The following CCDC9 variants were observed in gnomAD, a reference collection of about 807,000 sequenced individuals.
The protein encoded by CCDC9 is coiled-coil domain containing 9.
Under a neutral mutation model 65.6 loss-of-function variants are expected in CCDC9, and 52 were observed. The ratio of observed to expected loss-of-function variants is 0.79; its 90% CI spans 0.63 to 1.00. The LOEUF (loss-of-function observed/expected upper bound fraction) is 1.00. Ranked by LOEUF, CCDC9 falls within the 50% of genes least tolerant of loss-of-function variation. The probability of loss-of-function intolerance (pLI) is 0.00; values close to 1 mark genes in which losing one functional copy is unlikely to be tolerated. For missense variants in CCDC9, 834 were observed against 757.2 expected, an observed-to-expected ratio of 1.10 and a Z score of -1.19; for synonymous variants, 332 against 280.3, an observed-to-expected ratio of 1.18 and a Z score of -1.84.
At chr19:47,275,128 G>A, downstream of CCDC9, 1 of 1,491,102 alleles carries the variant, frequency 6.7e-7, no homozygotes, top group South Asian at 1.3e-5. Flanking sequence ...CCACAGCCCA[G>A]CGCGCCGTCC....
rs955411828 is a variant in CCDC9, at chr19:47,266,639, G to C, written c.749G>C (p.Gly250Ala). 1 of 1,581,062 alleles carries C rather than the reference G, an allele frequency of 6.3e-7. No individual in the cohort carries two copies. Among genetic ancestry groups the C allele is most frequent in the African/African-American group, 1.3e-5 (1 of 74,440 alleles). The change falls in exon 8 of 12, where the codon GGA (glycine) becomes GCA (alanine). Residue 250 changes from glycine (G) to alanine (A), a missense_variant. Physicochemically the swap from Gly to Ala is moderately conservative, Grantham distance 60. Transcript: ENST00000221922. ...CGCCGAGCTGGCCTGGGCAGTGCTG[G>C]AGACATGACGTTGTCCATGACGGGC... is the stretch of plus-strand genomic sequence containing the variant. Reference protein sequence around the residue: ...QGRRAGLGSAGDMTLSMTGRE... With the variant: ...QGRRAGLGSAADMTLSMTGRE...
intron 2 of CCDC9, 62 bp downstream of exon 2, chr19:47,258,465 G>C: frequency 1.2e-6 from 2 of 1,609,024 alleles, no homozygotes; most frequent in Non-Finnish European, 8.5e-7. Flanking sequence ...TGGGAGGATG[G>C]GATCCATAGG....
intron 3 of CCDC9, among the ~76,000 whole-genome samples, chr19:47,259,904 G>C (rs2059033641): frequency 6.6e-6 from 1 of 152,190 alleles, no homozygotes; most frequent in South Asian, 2.1e-4. Context: ...GGCAGCATTG[G>C]AGCAGAGACC....
chr19:47,275,148 G>GCTGC (rs771373976), downstream of CCDC9: 1 of 1,489,362 alleles, frequency 6.7e-7, no homozygotes, highest in South Asian at 1.3e-5. Flanking sequence ...CCCTCCGTGT[G>GCTGC]CTGCCCGCCC....
At chr19:47,262,452 G>T (rs1334775447) in intron 5 of CCDC9, among the ~76,000 whole-genome samples, 1 of 151,924 alleles carries the variant, frequency 6.6e-6, no homozygotes, top group African/African-American at 2.4e-5. Context: ...CCTGACCTCA[G>T]GTGATCCTAC....
intron 2 of CCDC9, 50 bp from the exon 3 acceptor site, chr19:47,258,509 G>A (rs2059025497): frequency 1.2e-6 from 2 of 1,602,242 alleles, no homozygotes; most frequent in African/African-American, 1.3e-5. Flanking sequence ...AAAGTCCCTG[G>A]TATGGATGGA....
chr19:47,264,476 C>G (rs1159896717), intron 5 of CCDC9, 127 bp from the exon 6 acceptor site: 4 of 854,758 alleles, frequency 4.7e-6, no homozygotes, highest in Non-Finnish European at 7.5e-6. Flanking sequence ...ACGCTGAGAG[C>G]AAATGGTCAG....
chr19:47,271,271 A>G lies in CCDC9; in HGVS notation c.1192-3A>G. 6.2e-7 allele frequency: 1 copy of G among 1,612,318 alleles called. No individual in the cohort carries two copies. Among genetic ancestry groups the G allele is most frequent in the Non-Finnish European group, 8.5e-7 (1 of 1,179,104 alleles). Reference sequence around the variant, plus strand: ...TTGCCCTGACTTGCCTGTGTCCCCAAAGCCACCCGAGATCCCAGCTCCTGC... The same window carrying G: ...TTGCCCTGACTTGCCTGTGTCCCCAGAGCCACCCGAGATCCCAGCTCCTGC... On this transcript the variant is annotated splice_polypyrimidine_tract_variant and splice_region_variant and intron_variant, in intron 11 of 11. Transcript: ENST00000221922.
At chr19:47,262,912 C>T (rs1292820469) in intron 5 of CCDC9, among the ~76,000 whole-genome samples, 4 of 151,756 alleles carry the variant, frequency 2.6e-5, no homozygotes, top group East Asian at 1.9e-4. Context: ...AGAGTGAGAC[C>T]CCATCTCTAT....
downstream of CCDC9, chr19:47,274,620 G>C (rs941683320): frequency 1.4e-5 from 3 of 215,048 alleles, no homozygotes; most frequent in African/African-American, 7.9e-5. Flanking sequence ...TCCGAGTCTG[G>C]GAAGAGAACC....
chr19:47,265,413 C>A (rs531899944), intron 7 of CCDC9, among the ~76,000 whole-genome samples: 13 of 152,138 alleles, frequency 8.5e-5, no homozygotes, highest in Middle Eastern at 3.4e-3. Context: ...GTAAATCTCC[C>A]CTCATTGTTA....
Position 47,271,797 on chromosome 19 carries a change from G to C in CCDC9, c.*119G>C, listed in dbSNP as rs2059125756. ...GGCTGGTGGGGGACCCTTGGGGCTG[G>C]GCCCTGGGACCCAGTGTGCCCCACA... is the stretch of plus-strand genomic sequence containing the variant. On this transcript the variant is annotated 3_prime_UTR_variant, in exon 12 of 12. Transcript: ENST00000221922. The C allele has an allele frequency of 1.4e-6, 2 of 1,456,000 alleles. No homozygotes were observed. Among genetic ancestry groups the C allele is most frequent in the South Asian group, 1.4e-5 (1 of 70,298 alleles). 90.2% of individuals were successfully genotyped at this position (1,456,000 alleles called of 1,614,324 possible). A position where few individuals can be genotyped will look rare whatever the true frequency, so the allele number is the denominator to read the frequency against.
At chr19:47,273,158 G>A (rs575358945), downstream of CCDC9, among the ~76,000 whole-genome samples, 1 of 152,262 alleles carries the variant, frequency 6.6e-6, no homozygotes, top group African/African-American at 2.4e-5. Flanking sequence ...GATTGTAAAC[G>A]GTTATGTTGG....
chr19:47,273,615 T>G, downstream of CCDC9: 1 of 396,438 alleles, frequency 2.5e-6, no homozygotes, highest in Non-Finnish European at 4.4e-6. Flanking sequence ...AGGGCAGTAG[T>G]CGGGTGCAGG....
chr19:47,265,563 G>A (rs1239017185), intron 7 of CCDC9, among the ~76,000 whole-genome samples: 2 of 152,114 alleles, frequency 1.3e-5, no homozygotes, highest in African/African-American at 4.8e-5. Flanking sequence ...TGGTTCTTCT[G>A]TCAGTACCAC....
chr19:47,275,571 C>G (rs1444469207), downstream of CCDC9: 2 of 602,006 alleles, frequency 3.3e-6, no homozygotes, highest in Admixed American at 3.7e-5. Context: ...TCAGGAAGAT[C>G]CCATCCTGAG....
Position 47,270,653 on chromosome 19 carries a change from T to C in CCDC9, c.1050T>C (p.Ser350=). The C allele has an allele frequency of 6.2e-7, 1 of 1,612,332 alleles. No homozygotes were observed. Among genetic ancestry groups the C allele is most frequent in the African/African-American group, 1.3e-5 (1 of 75,004 alleles). ...GCAGCCGCAGAAGGAGAAAGAGCAGTCGGCCCCAGGCCAAGGCAGCGCCCA... is the reference window on the plus strand; with the variant it reads ...GCAGCCGCAGAAGGAGAAAGAGCAGCCGGCCCCAGGCCAAGGCAGCGCCCA... The part of the protein sequence containing the change: ...EASSRRRRKS[S]RPQAKAAPRA... Residue 350 remains serine, a synonymous_variant, in exon 10 of 12, where the codon AGT becomes AGC. Transcript: ENST00000221922.
intron 6 of CCDC9, 21 bp downstream of exon 6, chr19:47,264,707 C>G (rs201629819): frequency 1.4e-5 from 22 of 1,601,880 alleles, no homozygotes; most frequent in Admixed American, 5.2e-5. Context: ...CGGGTGTCCC[C>G]GAGGCAGGGC....
In CCDC9 at chr19:47,260,313, G is replaced by A; in HGVS notation, c.109-8G>A. 1.9e-6 allele frequency: 3 copies of A among 1,570,658 alleles called. No homozygotes were observed. Among genetic ancestry groups the A allele is most frequent in the Non-Finnish European group, 2.6e-6 (3 of 1,156,392 alleles). ...TGATGCTTCCCTACCCCGGCTGTCT[G>A]CTCCTAGGAGATTGAGGAAGACCGT... On this transcript the variant is annotated splice_region_variant and splice_polypyrimidine_tract_variant and intron_variant, in intron 3 of 11. Transcript: ENST00000221922.
Sources: allele counts gnomAD v4.1 joint callset (sites outside exome capture counted in the v4.1 genomes callset), GRCh38; gene constraint gnomAD v4.1.1; transcripts MANE v1.5; gene names NCBI Gene and HGNC (gene_info 2026-07-23, HGNC 2026-07-21).